RBM5: variants seen among roughly 807,000 people sequenced by gnomAD.
RBM5 encodes the protein RNA-binding protein 5.
Under a neutral mutation model 124.6 loss-of-function variants are expected in RBM5, and 15 were observed. The ratio of observed to expected loss-of-function variants is 0.12; its 90% CI spans 0.08 to 0.19. The LOEUF is 0.19. RBM5 is among the 10% of genes least tolerant of loss of function. The pLI is 1.00. For missense variants in RBM5, 580 were observed against 1,026.5 expected, an observed-to-expected ratio of 0.57 and a Z score of 5.94; for synonymous variants, 337 against 361.2, an observed-to-expected ratio of 0.93 and a Z score of 0.76.
At chr3:50,108,714 A>G (rs2091086319) in intron 14 of RBM5, among the ~76,000 whole-genome samples, 1 of 150,848 alleles carries the variant, frequency 6.6e-6, no homozygotes, top group Non-Finnish European at 1.5e-5. Context: ...CTCAGAAAGA[A>G]AAAAAAAAGA....
At chr3:50,097,357 T>C (rs370025973) in intron 4 of RBM5, among the ~76,000 whole-genome samples, 4 of 151,334 alleles carry the variant, frequency 2.6e-5, no homozygotes, top group South Asian at 4.2e-4. Context: ...GATCGTGCCA[T>C]TGCACTCCAG....
At chr3:50,089,537 C>G (rs2090664043) in intron 1 of RBM5, among the ~76,000 whole-genome samples, 1 of 152,236 alleles carries the variant, frequency 6.6e-6, no homozygotes, top group South Asian at 2.1e-4. Context: ...GCCGCGAGAC[C>G]CCACGGAGGT....
At chr3:50,107,667 CTTTTCTTTTTT>C in intron 12 of RBM5, 98 bp downstream of exon 12, 2 of 135,134 alleles carry the variant, frequency 1.5e-5, no homozygotes, top group Non-Finnish European at 2.7e-5. Context: ...GAGCTCTTTT[CTTTTCTTTTTT>C]TTTTTTTTTT....
At chr3:50,105,024 T>C in intron 8 of RBM5, 53 bp from the exon 9 acceptor site, 1 of 1,271,992 alleles carries the variant, frequency 7.9e-7, no homozygotes, top group South Asian at 1.3e-5. Flanking sequence ...ATGTATTTCT[T>C]TGGTGAAAAT....
rs550543971 is a variant in RBM5 at position 50,100,189 on chromosome 3, T to C, written c.409+138T>C. On this transcript the variant is annotated intron_variant, in intron 5 of 24. Coordinates refer to ENST00000347869, the MANE Select transcript of RBM5 (RefSeq NM_005778.4). This position sits in a 1 kb window ranked among gnomAD's most constrained non-coding sequence, Gnocchi z 5.1. ...GTTTGCCATGGCTAAGGAATGTGACTCTTTGAAAACCATGTTAGCATCTGA... is the reference window on the plus strand; with the variant it reads ...GTTTGCCATGGCTAAGGAATGTGACCCTTTGAAAACCATGTTAGCATCTGA... The C allele has an allele frequency of 6.2e-5, 51 of 820,604 alleles. No individual in the cohort carries two copies. The African/African-American group carries it at 8.0e-4, about 13-fold the overall frequency. 50.8% of individuals were successfully genotyped at this position (820,604 alleles called of 1,614,324 possible). A position where few individuals can be genotyped will look rare whatever the true frequency, so the allele number is the denominator to read the frequency against.
rs2090922512 is a variant in RBM5, at chr3:50,100,753, A to G, written c.483+148A>G. The G allele has an allele frequency of 1.7e-6, 1 of 591,580 alleles. No individual in the cohort carries two copies. Among genetic ancestry groups the G allele is most frequent in the Admixed American group, 3.0e-5 (1 of 33,602 alleles). 36.6% of individuals were successfully genotyped at this position (591,580 alleles called of 1,614,324 possible). On this transcript the variant is annotated intron_variant, in intron 6 of 24. Transcript: ENST00000347869. The surrounding 1 kb of genome is among the most constrained non-coding windows in gnomAD (Gnocchi z 5.1). ...ATATATTAAAATTGATGTTACTAGA[A>G]TAAGTACAGTACCAAGGACTTCATT...
chr3:50,114,343 C>G, intron 20 of RBM5, 92 bp downstream of exon 20: 1 of 1,265,100 alleles, frequency 7.9e-7, no homozygotes, highest in Non-Finnish European at 1.1e-6. Context: ...GTGATTCCTA[C>G]TTAAAACTGA....
chr3:50,096,757 AT>A lies in RBM5; in HGVS notation c.339+2893del, dbSNP rs1212572728. ...AGGCATGTGTCACCACTCCGAGCTAATTTTTTTTTTTATCGTTTGTTTTTTT... is the reference window on the plus strand; with the variant it reads ...AGGCATGTGTCACCACTCCGAGCTAATTTTTTTTTTATCGTTTGTTTTTTT... On this transcript the variant is annotated intron_variant, in intron 4 of 24. Transcript: ENST00000347869. 2.8e-4 allele frequency among the ~76,000 whole-genome samples: 40 copies of A among 145,032 alleles called. 1 individual carries two copies. In the Middle Eastern group the frequency reaches 0.011, roughly 39 times the overall value.
chr3:50,118,065 T>G (rs1419369867), intron 24 of RBM5: 2 of 504,382 alleles, frequency 4.0e-6, no homozygotes, highest in South Asian at 2.5e-5. Flanking sequence ...AGGAATACTT[T>G]GGGGCCCTTT....
At chr3:50,104,715 T>C in intron 8 of RBM5, 1 of 274,732 alleles carries the variant, frequency 3.6e-6, no homozygotes, top group Non-Finnish European at 6.9e-6. Flanking sequence ...TAGATTTTAG[T>C]GTACTTAAAC....
chr3:50,115,869 C>A (rs973853940), intron 21 of RBM5, 37 bp from the exon 22 acceptor site: 2 of 1,553,768 alleles, frequency 1.3e-6, no homozygotes, highest in Admixed American at 1.7e-5. Flanking sequence ...TTAAGATGGT[C>A]TGAGTCCTTA....
At position 50,100,058 on chromosome 3, in the gene RBM5, G is replaced by A. The variant is rs567768263; in HGVS notation, c.409+7G>A. On this transcript the variant is annotated splice_region_variant and intron_variant, in intron 5 of 24. Coordinates refer to ENST00000347869, the MANE Select transcript of RBM5 (RefSeq NM_005778.4). This position sits in a 1 kb window ranked among gnomAD's most constrained non-coding sequence, Gnocchi z 5.1. ...CTGATGAAGAGGAAAACAGGTGAGA[G>A]CTTGCTTAGTTCCTGATATTATTGT... is the stretch of plus-strand genomic sequence containing the variant. The A allele has an allele frequency of 1.2e-6, 2 of 1,612,498 alleles. No individual in the cohort carries two copies. The highest frequency in any genetic ancestry group is 2.2e-5 in the East Asian group (1 of 44,868).
rs1277094733 is a variant in RBM5 at position 50,118,620 on chromosome 3, C to T, written c.*164C>T. ...CTCCCTCCCACCTTAAAGAAGTTCC[C>T]CTTATGTGGGTTGCCTGGTGAATGG... On this transcript the variant is annotated 3_prime_UTR_variant, in exon 25 of 25. Coordinates refer to ENST00000347869, the MANE Select transcript of RBM5 (RefSeq NM_005778.4). The T allele has an allele frequency of 1.7e-6, 2 of 1,153,278 alleles. No homozygotes were observed. The highest frequency in any genetic ancestry group is 3.1e-5 in the South Asian group (2 of 63,816). The allele number at this position is 1,153,278 out of a possible 1,614,324, so 71.4% of individuals were successfully genotyped here.
chr3:50,099,902 A>G (rs1467002799), intron 4 of RBM5, 80 bp from the exon 5 acceptor site: 1 of 1,299,970 alleles, frequency 7.7e-7, no homozygotes, highest in African/African-American at 1.5e-5. Flanking sequence ...GGCTAATTAA[A>G]CAGTTGATGT....
At position 50,106,747 on chromosome 3, in the gene RBM5, TCC is replaced by T. The variant is rs1385524115; in HGVS notation, c.856-19_856-18del. Reference sequence around the variant, plus strand: ...TTTTTAATTGCATTACACGTTTTTTTCCTTCACATTCTCCTTCAGGATGCTTC... The same window carrying T: ...TTTTTAATTGCATTACACGTTTTTTTTTCACATTCTCCTTCAGGATGCTTC... On this transcript the variant is annotated intron_variant, in intron 10 of 24. Coordinates refer to ENST00000347869, the MANE Select transcript of RBM5 (RefSeq NM_005778.4). 3.2e-6 allele frequency: 5 copies of T among 1,539,254 alleles called. No homozygotes were observed. Among genetic ancestry groups the T allele is most frequent in the Admixed American group, 3.4e-5 (2 of 59,604 alleles).
chr3:50,110,960 G>C (rs1472577021), intron 17 of RBM5, 190 bp downstream of exon 17: 3 of 571,758 alleles, frequency 5.2e-6, no homozygotes, highest in African/African-American at 1.9e-5. Flanking sequence ...AAAATGTTTT[G>C]AGGTATAATA....
At chr3:50,109,486 T>G in intron 14 of RBM5, 117 bp from the exon 15 acceptor site, 2 of 771,720 alleles carry the variant, frequency 2.6e-6, no homozygotes, top group Middle Eastern at 2.4e-4. Context: ...GGAAGTTAGC[T>G]TATGAAGAAC....
chr3:50,116,660 T>C, intron 22 of RBM5: 2 of 249,844 alleles, frequency 8.0e-6, no homozygotes, highest in Non-Finnish European at 7.9e-6. Flanking sequence ...CAGCGACTGC[T>C]GAACAGGTCT....
At chr3:50,118,019 G>C in intron 24 of RBM5, 1 of 390,946 alleles carries the variant, frequency 2.6e-6, no homozygotes, top group Non-Finnish European at 4.8e-6. Context: ...TGTATAATGT[G>C]TGCCTGTAAT....
Sources: gnomAD v4.1 joint callset for allele counts (sites outside exome capture counted in the v4.1 genomes callset) on GRCh38, gnomAD v4.1.1 for gene constraint, Gnocchi (gnomAD v3.1) non-coding constraint, MANE v1.5 for transcripts, NCBI Gene and HGNC (gene_info 2026-07-23, HGNC 2026-07-21) for gene names.